Variants in SLC18B1 observed in about 807,000 individuals in gnomAD.
SLC18B1 encodes solute carrier family 18 member B1.
A neutral mutation model predicts 53.9 loss-of-function variants in SLC18B1; 62 were observed. The observed-to-expected ratio is 1.15, with a 90% CI of 0.94 to 1.42. SLC18B1 has a LOEUF of 1.42. Ranked by LOEUF, SLC18B1 falls within the 40% of genes most tolerant of loss-of-function variation. The probability of loss-of-function intolerance (pLI) is 0.00; values close to 1 mark genes in which losing one functional copy is unlikely to be tolerated. For missense variants in SLC18B1, 598 were observed against 547.3 expected, an observed-to-expected ratio of 1.09 and a Z score of -0.93; for synonymous variants, 217 against 200.9, an observed-to-expected ratio of 1.08 and a Z score of -0.68.
At chr6:132,770,819 A>T in intron 13 of SLC18B1, 71 bp downstream of exon 13, 1 of 1,372,996 alleles carries the variant, frequency 7.3e-7, no homozygotes, top group Non-Finnish European at 1.0e-6. Context: ...ATAAATGTAA[A>T]ATGTTATTTA....
intron 5 of SLC18B1, among the ~76,000 whole-genome samples, chr6:132,785,134 T>TGTG (rs1485740133): frequency 6.6e-6 from 1 of 151,562 alleles, no homozygotes; most frequent in Non-Finnish European, 1.5e-5. Context: ...TGTGTGTGTG[T>TGTG]GTGTGTGTGT....
At chr6:132,776,234 T>A in intron 8 of SLC18B1, 94 bp downstream of exon 8, 1 of 948,982 alleles carries the variant, frequency 1.1e-6, no homozygotes, top group Non-Finnish European at 1.6e-6. Flanking sequence ...ATATCAAGTC[T>A]AACCAGTGGA....
intron 2 of SLC18B1, among the ~76,000 whole-genome samples, chr6:132,794,624 C>T (rs1781625684): frequency 6.6e-6 from 1 of 152,140 alleles, no homozygotes; most frequent in South Asian, 2.1e-4. Context: ...CAGGAACATG[C>T]CATTCACTCT....
chr6:132,792,879 GA>G (rs1562271951), intron 2 of SLC18B1, among the ~76,000 whole-genome samples: 1 of 152,168 alleles, frequency 6.6e-6, no homozygotes, highest in Non-Finnish European at 1.5e-5. Context: ...AGCAATTTAG[GA>G]GGCCAAGGCG....
rs145032362 is a variant in SLC18B1 at position 132,787,571 on chromosome 6, G to A, written c.364C>T (p.Arg122Ter). 64 of 1,576,946 alleles carry A rather than the reference G, an allele frequency of 4.1e-5. No individual in the cohort carries two copies. Among genetic ancestry groups the A allele is most frequent in the Non-Finnish European group, 2.8e-5 (33 of 1,167,954 alleles). The change falls in exon 5 of 14, where the codon CGA becomes TGA. Residue 122 changes from arginine (R) to a stop codon, truncating the protein, a stop_gained. Coordinates refer to ENST00000275227, the MANE Select transcript of SLC18B1 (RefSeq NM_052831.3). LOFTEE classifies it high-confidence loss of function. The stretch of plus-strand genomic sequence containing the variant: ...ATAAATACTGGCCCATCTGGAACTC[G>A]GTCCAATACACTAAAAAGGAATAAG... ...GVTILFGVLDRVPDGPVFIAM... is the reference protein window; with the variant it reads ...GVTILFGVLD
intron 6 of SLC18B1, among the ~76,000 whole-genome samples, chr6:132,780,564 AGTTT>A (rs1275429903): frequency 9.9e-6 from 1 of 100,926 alleles, no homozygotes; most frequent in Non-Finnish European, 2.0e-5. Context: ...CCGTGGTGTT[AGTTT>A]TTTTTTTTTT....
At chr6:132,792,253 A>G (rs1428603298) in intron 2 of SLC18B1, among the ~76,000 whole-genome samples, 3 of 26,046 alleles carry the variant, frequency 1.2e-4, no homozygotes, top group East Asian at 7.2e-4. Flanking sequence ...GAAAGAAAGA[A>G]AGAAAGAAAG....
chr6:132,787,571 G>T lies in SLC18B1; in HGVS notation c.364C>A (p.Arg122=). The T allele has an allele frequency of 6.3e-7, 1 of 1,576,980 alleles. No individual in the cohort carries two copies. Among genetic ancestry groups the T allele is most frequent in the East Asian group, 2.3e-5 (1 of 43,712 alleles). Residue 122 remains arginine, a synonymous_variant, in exon 5 of 14, where the codon CGA becomes AGA. Coordinates refer to ENST00000275227, the MANE Select transcript of SLC18B1 (RefSeq NM_052831.3). The stretch of plus-strand genomic sequence containing the variant: ...ATAAATACTGGCCCATCTGGAACTC[G>T]GTCCAATACACTAAAAAGGAATAAG... ...GVTILFGVLD[R]VPDGPVFIAM...
intron 8 of SLC18B1, among the ~76,000 whole-genome samples, chr6:132,775,211 C>CA (rs1239787300): frequency 6.6e-6 from 1 of 152,206 alleles, no homozygotes; most frequent in Non-Finnish European, 1.5e-5. Context: ...ATCTGTGCGC[C>CA]AGGCAACAGG....
At chr6:132,794,094 T>A (rs1466028132) in intron 2 of SLC18B1, among the ~76,000 whole-genome samples, 4 of 149,762 alleles carry the variant, frequency 2.7e-5, no homozygotes, top group Admixed American at 2.6e-4. Flanking sequence ...AGGCTCTTAT[T>A]ATTTTTTTTT....
At chr6:132,774,126 G>A (rs1781043051) in intron 9 of SLC18B1, 96 bp downstream of exon 9, 1 of 708,474 alleles carries the variant, frequency 1.4e-6, no homozygotes, top group Non-Finnish European at 2.3e-6. Context: ...AAATATTAAT[G>A]TTCAAAATAC....
At chr6:132,784,924 G>A (rs1159079376) in intron 5 of SLC18B1, among the ~76,000 whole-genome samples, 1 of 152,004 alleles carries the variant, frequency 6.6e-6, no homozygotes, top group Non-Finnish European at 1.5e-5. Flanking sequence ...GTAGGTACAG[G>A]AAGATCTCCA....
chr6:132,791,749 A>G (rs565674427), intron 2 of SLC18B1, among the ~76,000 whole-genome samples: 38 of 152,234 alleles, frequency 2.5e-4, no homozygotes, highest in Non-Finnish European at 4.4e-4. Flanking sequence ...TTCCCTTTCC[A>G]TGTACTAATA....
At chr6:132,780,753 G>A (rs1429319010) in intron 6 of SLC18B1, among the ~76,000 whole-genome samples, 1 of 151,860 alleles carries the variant, frequency 6.6e-6, no homozygotes, top group East Asian at 1.9e-4. Flanking sequence ...GTAGAGACGG[G>A]GTTTCACCAT....
chr6:132,772,909 C>T (rs993047779), intron 10 of SLC18B1, 84 bp downstream of exon 10: 120 of 953,180 alleles, frequency 1.3e-4, no homozygotes, highest in Non-Finnish European at 1.7e-4. Context: ...ATCCAACATG[C>T]TGCAAAATTG....
chr6:132,782,081 G>A lies in SLC18B1; in HGVS notation c.658+1852C>T, dbSNP rs1283939424. 4.6e-5 allele frequency among the ~76,000 whole-genome samples: 7 copies of A among 151,840 alleles called. No homozygotes were observed. In the South Asian group the frequency reaches 8.3e-4, roughly 18 times the overall value. On this transcript the variant is annotated intron_variant, in intron 6 of 13. Coordinates refer to ENST00000275227, the MANE Select transcript of SLC18B1 (RefSeq NM_052831.3). Reference sequence around the variant, plus strand: ...CATGCACCTGTACTCCCAGCTACTCGGGAGGCTGAAGCATGAGAATTGCTT... The same window carrying A: ...CATGCACCTGTACTCCCAGCTACTCAGGAGGCTGAAGCATGAGAATTGCTT...
chr6:132,785,140 T>A (rs528805964), intron 5 of SLC18B1, among the ~76,000 whole-genome samples: 2 of 151,694 alleles, frequency 1.3e-5, no homozygotes, highest in African/African-American at 4.9e-5. Context: ...TGTGTGTGTG[T>A]GTGTGTGTGT....
chr6:132,771,764 T>G (rs1044176224), intron 11 of SLC18B1, among the ~76,000 whole-genome samples: 10 of 152,158 alleles, frequency 6.6e-5, no homozygotes, highest in African/African-American at 2.4e-4. Context: ...CAAGCAGGGA[T>G]AGTATTAATA....
At chr6:132,788,762 G>T (rs1448057729) in intron 4 of SLC18B1, among the ~76,000 whole-genome samples, 3 of 150,554 alleles carry the variant, frequency 2.0e-5, no homozygotes, top group Non-Finnish European at 4.4e-5. Context: ...GGTGGAGGTT[G>T]CAGTGAGGCG....
Sources: allele counts gnomAD v4.1 joint callset (sites outside exome capture counted in the v4.1 genomes callset), GRCh38; gene constraint gnomAD v4.1.1; transcripts MANE v1.5; gene names NCBI Gene and HGNC (gene_info 2026-07-23, HGNC 2026-07-21).